SYN3: variants seen among roughly 807,000 people sequenced by gnomAD.
SYN3 encodes synapsin-3.
In SYN3, 35 loss-of-function variants were observed where a neutral mutation model predicts 65.8. The observed-to-expected ratio is 0.53, with a 90% CI of 0.41 to 0.70. The LOEUF is 0.70. Ranked by LOEUF, SYN3 falls within the 30% of genes least tolerant of loss-of-function variation. The probability of loss-of-function intolerance (pLI) is 0.00; values close to 1 mark genes in which losing one functional copy is unlikely to be tolerated. For synonymous variants in SYN3, 270 were observed against 292.9 expected, an observed-to-expected ratio of 0.92 and a Z score of 0.80; for missense variants, 680 against 749.0, an observed-to-expected ratio of 0.91 and a Z score of 1.08.
At chr22:32,576,665 C>G (rs980754650) in intron 7 of SYN3, among the ~76,000 whole-genome samples, 3 of 152,110 alleles carry the variant, frequency 2.0e-5, no homozygotes, top group Non-Finnish European at 2.9e-5. Flanking sequence ...CAAATTCATT[C>G]AAGTCTGCCG....
At chr22:32,948,673 C>A (rs1410070812) in intron 3 of SYN3, among the ~76,000 whole-genome samples, 1 of 151,988 alleles carries the variant, frequency 6.6e-6, no homozygotes, top group Non-Finnish European at 1.5e-5. Context: ...CGAGGCGGAG[C>A]TTGCAGTGAG....
chr22:32,895,371 A>G (rs2049562004), intron 4 of SYN3, among the ~76,000 whole-genome samples: 1 of 152,188 alleles, frequency 6.6e-6, no homozygotes, highest in Admixed American at 6.5e-5. Context: ...AATTCCTTAT[A>G]GTAAATCTGT....
At chr22:32,904,157 C>T (rs1463067638) in intron 4 of SYN3, among the ~76,000 whole-genome samples, 1 of 152,228 alleles carries the variant, frequency 6.6e-6, no homozygotes, top group East Asian at 1.9e-4. Context: ...TTTGGCCAAG[C>T]TTGTTTCCTT....
chr22:32,788,267 C>T (rs891702861), intron 6 of SYN3, among the ~76,000 whole-genome samples: 2 of 151,926 alleles, frequency 1.3e-5, no homozygotes, highest in African/African-American at 4.8e-5. Flanking sequence ...TTTGGCTGGG[C>T]GTGGTGGTTC....
chr22:32,698,132 T>C (rs1423169322), intron 6 of SYN3, among the ~76,000 whole-genome samples: 1 of 152,160 alleles, frequency 6.6e-6, no homozygotes, highest in Non-Finnish European at 1.5e-5. Context: ...AACACTATTA[T>C]TGTGGCAATA....
intron 7 of SYN3, among the ~76,000 whole-genome samples, chr22:32,546,399 A>G (rs982846147): frequency 6.6e-6 from 1 of 152,228 alleles, no homozygotes; most frequent in African/African-American, 2.4e-5. Context: ...GTTTCAAGGA[A>G]ACTTGTCTTT....
At chr22:32,977,741 CAAA>C (rs35038035) in intron 3 of SYN3, among the ~76,000 whole-genome samples, 10 of 89,816 alleles carry the variant, frequency 1.1e-4, no homozygotes, top group Non-Finnish European at 1.1e-4. Flanking sequence ...AGACTGTCTC[CAAA>C]AAAAAAAAAA....
At chr22:32,942,608 C>T (rs555512089) in intron 3 of SYN3, among the ~76,000 whole-genome samples, 2 of 152,250 alleles carry the variant, frequency 1.3e-5, no homozygotes, top group South Asian at 2.1e-4. Flanking sequence ...ATGACTTTGA[C>T]GAGTTGAGTG....
At chr22:33,035,581 G>A (rs1446487059) in intron 1 of SYN3, among the ~76,000 whole-genome samples, 1 of 152,166 alleles carries the variant, frequency 6.6e-6, no homozygotes, top group East Asian at 1.9e-4. Context: ...CTAAATCAAG[G>A]TCTTTATTTT....
In SYN3 at chr22:32,868,773, A is replaced by G. The variant is rs141547517; in HGVS notation, c.621+193T>C. Among the ~76,000 whole-genome samples, 818 of 152,144 alleles carry G rather than the reference A, an allele frequency of 5.4e-3. 1 individual carries two copies. The highest frequency in any genetic ancestry group is 8.7e-3 in the Non-Finnish European group (595 of 68,008). On this transcript the variant is annotated intron_variant, in intron 5 of 13. Transcript: ENST00000358763. ...GCCTATAAATATTTACCATAATAAT[A>G]TATAAAATATAAAATTAATATAATT... is the stretch of plus-strand genomic sequence containing the variant.
intron 6 of SYN3, among the ~76,000 whole-genome samples, chr22:32,689,833 C>T (rs1363924151): frequency 3.3e-5 from 5 of 152,074 alleles, no homozygotes; most frequent in Non-Finnish European, 7.4e-5. Context: ...GGAAGTGATT[C>T]GTCATCAGGG....
chr22:32,805,041 G>A (rs1026020791), intron 6 of SYN3, among the ~76,000 whole-genome samples: 2 of 151,998 alleles, frequency 1.3e-5, no homozygotes, highest in African/African-American at 4.8e-5. Flanking sequence ...GTGTGTGTGT[G>A]CGCGTGTGTG....
chr22:32,525,703 C>T lies in SYN3; in HGVS notation c.1318+2215G>A, dbSNP rs546762285. Among the ~76,000 whole-genome samples, 13 of 135,590 alleles carry T rather than the reference C, an allele frequency of 9.6e-5. No homozygotes were observed. The South Asian group carries it at 1.2e-3, about 12-fold the overall frequency. 89.0% of individuals were successfully genotyped at this position (135,590 alleles called of 152,430 possible). The stretch of plus-strand genomic sequence containing the variant: ...TCCAGCCTGGGCGACAAGGAGACTC[C>T]GTCTCAAAAAAAAAAAAAAAAATGC... On this transcript the variant is annotated intron_variant, in intron 12 of 13. Coordinates refer to ENST00000358763, the MANE Select transcript of SYN3 (RefSeq NM_003490.4).
At chr22:32,626,256 G>A (rs1334635832) in intron 6 of SYN3, among the ~76,000 whole-genome samples, 2 of 152,134 alleles carry the variant, frequency 1.3e-5, no homozygotes, top group African/African-American at 4.8e-5. Context: ...ACCCTCCTCT[G>A]CACCCAGGGA....
intron 3 of SYN3, among the ~76,000 whole-genome samples, chr22:32,962,633 G>A (rs1456101837): frequency 3.3e-5 from 5 of 152,252 alleles, no homozygotes; most frequent in East Asian, 3.9e-4. Context: ...GGAGCCAGAC[G>A]GAAGCCAGAC....
At chr22:32,786,153 T>C (rs959183757) in intron 6 of SYN3, among the ~76,000 whole-genome samples, 1 of 152,178 alleles carries the variant, frequency 6.6e-6, no homozygotes, top group Admixed American at 6.5e-5. Context: ...ATTTGCCGTA[T>C]GAGGTGGGTG....
rs1323612400 is a variant in SYN3, at chr22:32,596,546, AT to A, written c.774+127del. ...GGGAGGGGAAGGAGATGTACTATGG[AT>A]TCTTTCTAACACTCTGTTCTGGGTG... On this transcript the variant is annotated intron_variant, in intron 7 of 13. Coordinates refer to ENST00000358763, the MANE Select transcript of SYN3 (RefSeq NM_003490.4). 3.4e-6 allele frequency: 3 copies of A among 892,478 alleles called. No homozygotes were observed. The African/African-American group carries it at 5.0e-5, about 15-fold the overall frequency. 55.3% of individuals were successfully genotyped at this position (892,478 alleles called of 1,614,324 possible).
intron 1 of SYN3, among the ~76,000 whole-genome samples, chr22:33,037,060 C>T (rs2053876389): frequency 6.6e-6 from 1 of 152,178 alleles, no homozygotes; most frequent in South Asian, 2.1e-4. Flanking sequence ...CACAGCTGCA[C>T]TTAATAAATT....
intron 6 of SYN3, among the ~76,000 whole-genome samples, chr22:32,800,935 C>G (rs935510072): frequency 6.6e-6 from 1 of 152,180 alleles, no homozygotes; most frequent in Non-Finnish European, 1.5e-5. Context: ...ATGTCCAACC[C>G]AGAACTCTGT....
Sources: gnomAD v4.1 joint callset for allele counts (sites outside exome capture counted in the v4.1 genomes callset) on GRCh38, gnomAD v4.1.1 for gene constraint, MANE v1.5 for transcripts, NCBI Gene and HGNC (gene_info 2026-07-23, HGNC 2026-07-21) for gene names.